RBM47: variants seen among roughly 807,000 people sequenced by gnomAD.
RBM47 encodes the protein RNA binding motif protein 47, also known as RNA-binding protein 47.
RBM47 carries 21 observed loss-of-function variants against 47.1 expected under a neutral mutation model. The ratio of observed to expected loss-of-function variants is 0.45; its 90% CI spans 0.32 to 0.64. RBM47 has a LOEUF of 0.64. RBM47 is among the 30% of genes least tolerant of loss of function. The probability of loss-of-function intolerance (pLI) is 0.05; values close to 1 mark genes in which losing one functional copy is unlikely to be tolerated. For synonymous variants in RBM47, 375 were observed against 361.7 expected, an observed-to-expected ratio of 1.04 and a Z score of -0.42; for missense variants, 708 against 870.9, an observed-to-expected ratio of 0.81 and a Z score of 2.35.
intron 2 of RBM47, among the ~76,000 whole-genome samples, chr4:40,505,395 G>A (rs1275825718): frequency 2.6e-5 from 4 of 151,378 alleles, no homozygotes; most frequent in African/African-American, 7.3e-5. Flanking sequence ...GGGAAGCTGA[G>A]GCTGGGGAAT....
At chr4:40,525,693 G>A (rs1200019478) in intron 2 of RBM47, among the ~76,000 whole-genome samples, 1 of 152,126 alleles carries the variant, frequency 6.6e-6, no homozygotes, top group African/African-American at 2.4e-5. Flanking sequence ...GAGTTTTTTG[G>A]TAACTAAGAA....
At chr4:40,569,038 G>C (rs1355939035) in intron 1 of RBM47, among the ~76,000 whole-genome samples, 1 of 150,968 alleles carries the variant, frequency 6.6e-6, no homozygotes, top group Admixed American at 6.6e-5. Context: ...CAGACAGACA[G>C]ACAGACAGAC....
At chr4:40,461,217 G>A (rs561754827) in intron 3 of RBM47, among the ~76,000 whole-genome samples, 13 of 152,000 alleles carry the variant, frequency 8.6e-5, no homozygotes, top group East Asian at 3.9e-4. Flanking sequence ...TTCATGTCTC[G>A]CGTACTCTGT....
intron 3 of RBM47, among the ~76,000 whole-genome samples, chr4:40,440,703 C>T (rs1422807341): frequency 2.6e-5 from 4 of 152,158 alleles, no homozygotes; most frequent in Non-Finnish European, 4.4e-5. Flanking sequence ...TGAATCTCAG[C>T]TCTAATACTT....
At chr4:40,440,441 T>A (rs1490002564) in intron 3 of RBM47, among the ~76,000 whole-genome samples, 1 of 152,198 alleles carries the variant, frequency 6.6e-6, no homozygotes, top group Non-Finnish European at 1.5e-5. Context: ...ACCCGGAGTA[T>A]CATTCATTTT....
intron 1 of RBM47, among the ~76,000 whole-genome samples, chr4:40,577,399 T>TTTAGTCGGC (rs1732442638): frequency 6.6e-6 from 1 of 152,118 alleles, no homozygotes; most frequent in Non-Finnish European, 1.5e-5. Context: ...GTTTGCCGAC[T>TTTAGTCGGC]AAACAAGGCT....
At chr4:40,606,107 A>C (rs1467956922) in intron 1 of RBM47, among the ~76,000 whole-genome samples, 1 of 151,012 alleles carries the variant, frequency 6.6e-6, no homozygotes, top group Non-Finnish European at 1.5e-5. Flanking sequence ...CTGAGGCAGG[A>C]GAGTCTCTTA....
At chr4:40,458,059 C>G (rs762357492) in intron 3 of RBM47, among the ~76,000 whole-genome samples, 1 of 152,204 alleles carries the variant, frequency 6.6e-6, no homozygotes, top group Non-Finnish European at 1.5e-5. Context: ...GTCTTCTCCT[C>G]CTAATTTGAA....
chr4:40,614,832 C>A (rs887804621), intron 1 of RBM47, among the ~76,000 whole-genome samples: 7 of 151,798 alleles, frequency 4.6e-5, no homozygotes, highest in Admixed American at 4.6e-4. Context: ...AGGACACTGT[C>A]ACACACACAT....
intron 1 of RBM47, among the ~76,000 whole-genome samples, chr4:40,590,684 A>G (rs1734055867): frequency 6.6e-6 from 1 of 152,258 alleles, no homozygotes; most frequent in Non-Finnish European, 1.5e-5. Flanking sequence ...GATATTGTCC[A>G]TTACAACAGA....
intron 3 of RBM47, among the ~76,000 whole-genome samples, chr4:40,461,915 A>G (rs963650012): frequency 2.7e-5 from 4 of 150,264 alleles, no homozygotes; most frequent in Admixed American, 6.7e-5. Flanking sequence ...AGCCTGGGTG[A>G]CAAGAGTGAA....
At chr4:40,547,614 C>G (rs1198199014) in intron 1 of RBM47, among the ~76,000 whole-genome samples, 1 of 152,214 alleles carries the variant, frequency 6.6e-6, no homozygotes, top group East Asian at 1.9e-4. Flanking sequence ...ATCCCCCAAC[C>G]TCATCTCCCA....
intron 3 of RBM47, among the ~76,000 whole-genome samples, chr4:40,444,070 G>A (rs1268859511): frequency 6.6e-6 from 1 of 152,034 alleles, no homozygotes; most frequent in Non-Finnish European, 1.5e-5. Context: ...ATGGTGGTGT[G>A]TGCCTGTAGT....
At chr4:40,609,454 A>G (rs1578064267) in intron 1 of RBM47, among the ~76,000 whole-genome samples, 1 of 151,370 alleles carries the variant, frequency 6.6e-6, no homozygotes, top group East Asian at 2.0e-4. Context: ...GTGGGATTAC[A>G]GGCACCCGCC....
At chr4:40,473,381 T>C (rs1329973130) in intron 2 of RBM47, among the ~76,000 whole-genome samples, 1 of 152,188 alleles carries the variant, frequency 6.6e-6, no homozygotes, top group African/African-American at 2.4e-5. Flanking sequence ...CACTCCAATC[T>C]GGAAGAGTAG....
At chr4:40,617,725 A>T (rs1342105297) in intron 1 of RBM47, among the ~76,000 whole-genome samples, 2 of 151,000 alleles carry the variant, frequency 1.3e-5, no homozygotes, top group African/African-American at 4.9e-5. Context: ...TTTGGTAAAT[A>T]TATATGATTA....
At chr4:40,574,221 C>A (rs1732076133) in intron 1 of RBM47, among the ~76,000 whole-genome samples, 1 of 152,156 alleles carries the variant, frequency 6.6e-6, no homozygotes. Context: ...TAAAGTTTTA[C>A]ATAAAATATA....
At chr4:40,495,829 TGC>T (rs928175524) in intron 2 of RBM47, among the ~76,000 whole-genome samples, 4 of 36,508 alleles carry the variant, frequency 1.1e-4, no homozygotes, top group Non-Finnish European at 2.0e-4. Context: ...GGTCACATTG[TGC>T]GCGCTCTCTC....
At chr4:40,593,906 C>T (rs555095622) in intron 1 of RBM47, among the ~76,000 whole-genome samples, 96 of 143,056 alleles carry the variant, frequency 6.7e-4, no homozygotes, top group Non-Finnish European at 1.3e-3. Flanking sequence ...AAAAATTAGC[C>T]GGACGTGGTG....
Sources: gnomAD v4.1 joint callset for allele counts (sites outside exome capture counted in the v4.1 genomes callset) on GRCh38, gnomAD v4.1.1 for gene constraint, MANE v1.5 for transcripts, NCBI Gene and HGNC (gene_info 2026-07-23, HGNC 2026-07-21) for gene names.